The following RTN4RL1 variants were observed in gnomAD, a reference collection of about 807,000 sequenced individuals.
RTN4RL1 encodes the protein reticulon 4 receptor like 1.
RTN4RL1 carries 7 observed loss-of-function variants against 25.6 expected under a neutral mutation model. The ratio of observed to expected loss-of-function variants is 0.27; its 90% CI spans 0.16 to 0.51. The LOEUF (loss-of-function observed/expected upper bound fraction) is 0.51. RTN4RL1 is among the 20% of genes least tolerant of loss of function. The pLI is 0.97. For synonymous variants in RTN4RL1, 297 were observed against 288.2 expected (o/e 1.03, Z -0.31); for missense variants, 500 against 615.6 (o/e 0.81, Z 1.99).
At position 2,006,679 on chromosome 17, in the gene RTN4RL1, C is replaced by T. The variant is rs571654588; in HGVS notation, c.13+18174G>A. 3.3e-5 allele frequency among the ~76,000 whole-genome samples: 5 copies of T among 152,242 alleles called. No individual in the cohort carries two copies. The South Asian group carries it at 1.0e-3, about 32-fold the overall frequency. ...TTTGTTGCCCAGGCTGGAGTGCAGT[C>T]GCACGATCTCAGCTCACTGCAACTT... is the stretch of plus-strand genomic sequence containing the variant. On this transcript the variant is annotated intron_variant, in intron 1 of 1. Coordinates refer to ENST00000331238, the MANE Select transcript of RTN4RL1 (RefSeq NM_178568.4).
intron 1 of RTN4RL1, among the ~76,000 whole-genome samples, chr17:1,976,494 G>A (rs1258993844): frequency 6.6e-6 from 1 of 152,248 alleles, no homozygotes; most frequent in African/African-American, 2.4e-5. Flanking sequence ...TGGTGCTGCA[G>A]AAGGAAACGG....
intron 1 of RTN4RL1, among the ~76,000 whole-genome samples, chr17:1,965,199 T>C (rs896458415): frequency 6.6e-6 from 1 of 151,260 alleles, no homozygotes; most frequent in African/African-American, 2.4e-5. Flanking sequence ...AACCTCTGCC[T>C]CCCGGGTTCA....
chr17:1,990,465 G>A (rs1306768928), intron 1 of RTN4RL1, among the ~76,000 whole-genome samples: 3 of 152,142 alleles, frequency 2.0e-5, no homozygotes, highest in Non-Finnish European at 4.4e-5. Flanking sequence ...GGAGGCTAAG[G>A]CAAGGCAGGA....
intron 1 of RTN4RL1, among the ~76,000 whole-genome samples, chr17:2,012,267 G>A (rs905264407): frequency 3.9e-5 from 6 of 152,276 alleles, no homozygotes; most frequent in African/African-American, 9.6e-5. Flanking sequence ...CTAACACAGC[G>A]CCTGCTCTGC....
intron 1 of RTN4RL1, among the ~76,000 whole-genome samples, chr17:1,953,726 G>A (rs967096100): frequency 2.6e-5 from 4 of 152,008 alleles, no homozygotes; most frequent in East Asian, 3.9e-4. Context: ...CACCAAGCTC[G>A]GTTAATTTTT....
chr17:1,976,592 T>G (rs1200768613), intron 1 of RTN4RL1, among the ~76,000 whole-genome samples: 2 of 152,154 alleles, frequency 1.3e-5, no homozygotes, highest in African/African-American at 4.8e-5. Flanking sequence ...TGAGCTACAG[T>G]GGGGTACTTC....
At chr17:2,012,005 A>C (rs1393285338) in intron 1 of RTN4RL1, among the ~76,000 whole-genome samples, 3 of 152,270 alleles carry the variant, frequency 2.0e-5, no homozygotes, top group Middle Eastern at 6.8e-3. Context: ...GTTCAAAGTA[A>C]CGAGTCAATT....
intron 1 of RTN4RL1, among the ~76,000 whole-genome samples, chr17:1,938,877 C>A (rs1485720172): frequency 6.6e-6 from 1 of 151,202 alleles, no homozygotes; most frequent in Non-Finnish European, 1.5e-5. Flanking sequence ...ATGGTGAAAC[C>A]CTGTCTCTAC....
intron 1 of RTN4RL1, among the ~76,000 whole-genome samples, chr17:1,944,170 G>A (rs1426271776): frequency 6.6e-6 from 1 of 151,870 alleles, no homozygotes; most frequent in Non-Finnish European, 1.5e-5. Flanking sequence ...GCCTCCCGAA[G>A]TGCTGGGATT....
intron 1 of RTN4RL1, among the ~76,000 whole-genome samples, chr17:1,944,487 G>A (rs567876214): frequency 2.6e-5 from 4 of 151,902 alleles, no homozygotes; most frequent in Admixed American, 2.0e-4. Context: ...ACAGAGTCTC[G>A]CTCTGTCCCC....
At chr17:1,982,428 C>T (rs1294835898) in intron 1 of RTN4RL1, among the ~76,000 whole-genome samples, 16 of 152,158 alleles carry the variant, frequency 1.1e-4, no homozygotes, top group South Asian at 2.1e-4. Flanking sequence ...CTGGCTAACA[C>T]GGTGAAACCT....
intron 1 of RTN4RL1, among the ~76,000 whole-genome samples, chr17:2,009,417 T>TC (rs2067027042): frequency 1.4e-5 from 1 of 71,670 alleles, no homozygotes; most frequent in Non-Finnish European, 2.8e-5. Context: ...ACATGGTGAA[T>TC]CCCATCTCTA....
At chr17:1,943,794 C>T (rs1440536235) in intron 1 of RTN4RL1, among the ~76,000 whole-genome samples, 3 of 152,184 alleles carry the variant, frequency 2.0e-5, no homozygotes, top group African/African-American at 4.8e-5. Flanking sequence ...AGCCAGCCAG[C>T]GCACAGCTGG....
intron 1 of RTN4RL1, among the ~76,000 whole-genome samples, chr17:1,954,999 A>G (rs947279373): frequency 6.6e-6 from 1 of 152,074 alleles, no homozygotes; most frequent in Non-Finnish European, 1.5e-5. Flanking sequence ...ATTTCTCCTC[A>G]CTGGCTGCTT....
rs1915268057 is a variant in RTN4RL1 at position 1,935,085 on chromosome 17, CCAAA to C, written c.*1407_*1410del. 1 of 152,604 alleles carries C rather than the reference CCAAA, an allele frequency of 6.6e-6. No individual in the cohort carries two copies. The highest frequency in any genetic ancestry group is 1.5e-5 in the Non-Finnish European group (1 of 68,168). 9.5% of individuals were successfully genotyped at this position (152,604 alleles called of 1,614,324 possible). ...CACAGGGCCCTTGCTGGGTCACACA[CCAAA>C]CAGCCTCAAGGAAAAATTCAGCAGC... On this transcript the variant is annotated 3_prime_UTR_variant, in exon 2 of 2. Coordinates refer to ENST00000331238, the MANE Select transcript of RTN4RL1 (RefSeq NM_178568.4).
At chr17:1,960,799 A>G (rs1915879759) in intron 1 of RTN4RL1, among the ~76,000 whole-genome samples, 2 of 152,056 alleles carry the variant, frequency 1.3e-5, no homozygotes, top group African/African-American at 2.4e-5. Context: ...CAAATGGATC[A>G]TAGCACGTTG....
chr17:1,999,369 C>G (rs182560696), intron 1 of RTN4RL1, among the ~76,000 whole-genome samples: 103 of 151,902 alleles, frequency 6.8e-4, no homozygotes, highest in African/African-American at 2.3e-3. Flanking sequence ...TCACTTGAAC[C>G]CGGGAGGAGG....
intron 1 of RTN4RL1, among the ~76,000 whole-genome samples, chr17:1,940,854 A>G (rs1185421990): frequency 6.6e-6 from 1 of 152,138 alleles, no homozygotes; most frequent in African/African-American, 2.4e-5. Context: ...TCCTAGCTCA[A>G]GGGTGTTCAT....
At chr17:2,013,414 CTTGCATTTCT>C (rs991226395) in intron 1 of RTN4RL1, among the ~76,000 whole-genome samples, 37 of 152,352 alleles carry the variant, frequency 2.4e-4, no homozygotes, top group African/African-American at 8.4e-4. Flanking sequence ...GCTGCAAAGA[CTTGCATTTCT>C]TTGCCTCAGG....
Sources: gnomAD v4.1 joint callset for allele counts (sites outside exome capture counted in the v4.1 genomes callset) on GRCh38, gnomAD v4.1.1 for gene constraint, MANE v1.5 for transcripts, NCBI Gene and HGNC (gene_info 2026-07-23, HGNC 2026-07-21) for gene names.